The following SDK2 variants were observed in gnomAD, a reference collection of about 807,000 sequenced individuals.
SDK2 encodes the protein protein sidekick-2.
SDK2 carries 105 observed loss-of-function variants against 253.9 expected under a neutral mutation model. The observed-to-expected ratio is 0.41, with a 90% CI of 0.35 to 0.49. The LOEUF (loss-of-function observed/expected upper bound fraction) is 0.49. Among genes scored for constraint, SDK2 ranks in the 20% least tolerant of loss-of-function variants. The pLI is 0.06. For missense variants in SDK2, 2,608 were observed against 3,003.0 expected (o/e 0.87, Z 3.07); for synonymous variants, 1,249 against 1,234.9 (o/e 1.01, Z -0.24).
Position 73,338,845 on chromosome 17 carries a change from C to T in SDK2, c.6261G>A (p.Trp2087Ter). The change falls in exon 45 of 45, where the codon TGG becomes TGA. Residue 2087 changes from tryptophan to a stop codon, truncating the protein, a stop_gained. Transcript: ENST00000392650. LOFTEE classifies it high-confidence loss of function. The surrounding 1 kb of genome is among the most constrained non-coding windows in gnomAD (Gnocchi z 5.0). ...YISDPTYYNSWRRQQKGISRA... is the reference protein window; with the variant it reads ...YISDPTYYNS ...TCGAGATGCCCTTCTGCTGTCGCCG[C>T]CACGAGTTGTAGTATGTGGGGTCAC... is the stretch of plus-strand genomic sequence containing the variant. 1 of 1,614,016 alleles carries T rather than the reference C, an allele frequency of 6.2e-7. No homozygotes were observed. The highest frequency in any genetic ancestry group is 8.5e-7 in the Non-Finnish European group (1 of 1,179,906).
chr17:73,355,787 A>G (rs2062587736), intron 40 of SDK2, among the ~76,000 whole-genome samples: 1 of 152,200 alleles, frequency 6.6e-6, no homozygotes, highest in African/African-American at 2.4e-5. Context: ...CATTTATTGA[A>G]TAAATAAATG....
Position 73,350,316 on chromosome 17 carries a change from T to G in SDK2, c.5959A>C (p.Ser1987Arg), listed in dbSNP as rs777905116. 2 of 1,598,004 alleles carry G rather than the reference T, an allele frequency of 1.3e-6. No homozygotes were observed. The highest frequency in any genetic ancestry group is 1.7e-6 in the Non-Finnish European group (2 of 1,172,984). Residue 1987 changes from serine to arginine, a missense_variant, in exon 43 of 45, where the codon AGC becomes CGC. Physicochemically the swap from Ser to Arg is moderately radical, Grantham distance 110 (BLOSUM62 -1). Around this residue, in one of 2 missense-constraint regions of SDK2, gnomAD observed 1,103 missense variants for 1,143.9 expected, o/e 0.96. Coordinates refer to ENST00000392650, the MANE Select transcript of SDK2 (RefSeq NM_001144952.2). The part of the protein sequence containing the change: ...HSEMMSLDES[S>R]FPALELNNRR... ...TTGTTGAGTTCCAGGGCAGGGAAGC[T>G]GCTTTCATCCAAGCTCATCATCTCG... is the stretch of plus-strand genomic sequence containing the variant.
At chr17:73,372,366 C>T (rs1025573329) in intron 36 of SDK2, among the ~76,000 whole-genome samples, 1 of 152,190 alleles carries the variant, frequency 6.6e-6, no homozygotes, top group African/African-American at 2.4e-5. Context: ...GCAGGCATCT[C>T]GGTCCATGTG....
At chr17:73,599,913 G>C (rs2045813215) in intron 1 of SDK2, among the ~76,000 whole-genome samples, 1 of 152,208 alleles carries the variant, frequency 6.6e-6, no homozygotes, top group South Asian at 2.1e-4. Context: ...TGCCAACACA[G>C]TCACTCTGTC....
At chr17:73,501,984 C>G (rs374559635) in intron 2 of SDK2, among the ~76,000 whole-genome samples, 6 of 152,282 alleles carry the variant, frequency 3.9e-5, no homozygotes, top group African/African-American at 7.2e-5. Context: ...CGTCTATGCT[C>G]TTTTCACTCT....
At chr17:73,428,843 G>A (rs2063304466) in intron 12 of SDK2, among the ~76,000 whole-genome samples, 2 of 152,184 alleles carry the variant, frequency 1.3e-5, no homozygotes, top group South Asian at 4.1e-4. Context: ...TTTTGGGGGG[G>A]ATAAAGGGAT....
chr17:73,414,855 C>G, intron 17 of SDK2, 96 bp from the exon 18 acceptor site: 1 of 745,936 alleles, frequency 1.3e-6, no homozygotes, highest in Middle Eastern at 2.8e-4. Context: ...GGGCTATAGC[C>G]TCTGCCTTGC....
At chr17:73,347,548 C>T (rs924147324) in intron 44 of SDK2, among the ~76,000 whole-genome samples, 2 of 152,196 alleles carry the variant, frequency 1.3e-5, no homozygotes, top group East Asian at 1.9e-4. Flanking sequence ...CCTCAGCCCA[C>T]GGGGCCCACA....
chr17:73,433,896 C>T, intron 9 of SDK2, 48 bp from the exon 10 acceptor site: 1 of 1,362,318 alleles, frequency 7.3e-7, no homozygotes, highest in South Asian at 1.5e-5. Context: ...GGGAGATGTC[C>T]CCCAAGCCAG....
rs186393532 is a variant in SDK2 at position 73,613,345 on chromosome 17, C to A, written c.64+30680G>T. Among the ~76,000 whole-genome samples, 4 of 152,026 alleles carry A rather than the reference C, an allele frequency of 2.6e-5. No homozygotes were observed. The East Asian group carries it at 5.8e-4, about 22-fold the overall frequency. On this transcript the variant is annotated intron_variant, in intron 1 of 44. Transcript: ENST00000392650. Reference sequence around the variant, plus strand: ...CAGCCGGCTCACCTCGCTCCCTCCCCCTCTGCTCTCCCCACCCCCGCCCTC... The same window carrying A: ...CAGCCGGCTCACCTCGCTCCCTCCCACTCTGCTCTCCCCACCCCCGCCCTC...
intron 40 of SDK2, among the ~76,000 whole-genome samples, chr17:73,355,167 T>C (rs1423628287): frequency 2.2e-5 from 1 of 46,376 alleles, no homozygotes; most frequent in Non-Finnish European, 3.8e-5. Context: ...TCCATATATA[T>C]ATATATATTT....
chr17:73,446,680 A>G (rs574353671), intron 5 of SDK2, among the ~76,000 whole-genome samples: 1 of 152,300 alleles, frequency 6.6e-6, no homozygotes, highest in African/African-American at 2.4e-5. Flanking sequence ...CAAGGATGAT[A>G]AATGAGGCTT....
At chr17:73,384,726 G>C (rs907546284) in intron 32 of SDK2, among the ~76,000 whole-genome samples, 1 of 152,236 alleles carries the variant, frequency 6.6e-6, no homozygotes, top group African/African-American at 2.4e-5. Flanking sequence ...TGAGGAAAGA[G>C]AATCGTGTGA....
intron 1 of SDK2, among the ~76,000 whole-genome samples, chr17:73,566,916 A>G (rs1405165166): frequency 1.3e-5 from 2 of 152,026 alleles, no homozygotes; most frequent in Non-Finnish European, 2.9e-5. Context: ...GAAAATTTCC[A>G]GCTTGGCCAT....
chr17:73,481,153 G>A lies in SDK2; in HGVS notation c.225-8935C>T, dbSNP rs761770609. On this transcript the variant is annotated intron_variant, in intron 2 of 44. Transcript: ENST00000392650. This position sits in a 1 kb window ranked among gnomAD's most constrained non-coding sequence, Gnocchi z 4.5. ...GGGGAGGGGACAGGCAAGCCCAGGCGAGCTGAGCACGGGGTTCCAGAATCC... is the reference window on the plus strand; with the variant it reads ...GGGGAGGGGACAGGCAAGCCCAGGCAAGCTGAGCACGGGGTTCCAGAATCC... Among the ~76,000 whole-genome samples, 71 of 152,196 alleles carry A rather than the reference G, an allele frequency of 4.7e-4. No individual in the cohort carries two copies. The highest frequency in any genetic ancestry group is 9.3e-4 in the Non-Finnish European group (63 of 68,038).
chr17:73,546,763 G>A (rs1309042462), intron 1 of SDK2, among the ~76,000 whole-genome samples: 1 of 152,226 alleles, frequency 6.6e-6, no homozygotes, highest in Non-Finnish European at 1.5e-5. Context: ...TTCTGACATG[G>A]CAAGATCTAT....
At position 73,616,305 on chromosome 17, in the gene SDK2, T is replaced by G. The variant is rs1250304232; in HGVS notation, c.64+27720A>C. Among the ~76,000 whole-genome samples the G allele has an allele frequency of 6.6e-6, 1 of 151,760 alleles. No individual in the cohort carries two copies. Among genetic ancestry groups the G allele is most frequent in the African/African-American group, 2.4e-5 (1 of 41,276 alleles). On this transcript the variant is annotated intron_variant, in intron 1 of 44. Transcript: ENST00000392650. This position sits in a 1 kb window ranked among gnomAD's most constrained non-coding sequence, Gnocchi z 5.2. ...CCCCGCCTGTCTGAGCTAGACAAAT[T>G]TCCACCCCCGGCTCCCCACCTCAAC...
At chr17:73,606,574 A>G (rs1006151780) in intron 1 of SDK2, among the ~76,000 whole-genome samples, 2 of 152,196 alleles carry the variant, frequency 1.3e-5, no homozygotes, top group African/African-American at 4.8e-5. Flanking sequence ...TCTACTCCAC[A>G]GATGAGGCTC....
At chr17:73,378,618 C>A (rs2062803974) in intron 36 of SDK2, among the ~76,000 whole-genome samples, 1 of 152,012 alleles carries the variant, frequency 6.6e-6, no homozygotes, top group Non-Finnish European at 1.5e-5. Context: ...TGGGGTTTCA[C>A]CATGTTGGCC....
Sources: gnomAD v4.1 joint callset for allele counts (sites outside exome capture counted in the v4.1 genomes callset) on GRCh38, gnomAD v4.1.1 for gene constraint, gnomAD v4.1.1 regional missense constraint, Gnocchi (gnomAD v3.1) non-coding constraint, MANE v1.5 for transcripts, NCBI Gene and HGNC (gene_info 2026-07-23, HGNC 2026-07-21) for gene names.